CD86: variants seen among roughly 807,000 people sequenced by gnomAD.
CD86 encodes T-lymphocyte activation antigen CD86.
In CD86, 11 loss-of-function variants were observed where a neutral mutation model predicts 32.1. The observed-to-expected ratio is 0.34, with a 90% CI of 0.22 to 0.57. The LOEUF is 0.57. Ranked by LOEUF, CD86 falls within the 20% of genes least tolerant of loss-of-function variation. CD86 has a pLI of 0.86. For synonymous variants in CD86, 137 were observed against 135.3 expected (o/e 1.01, Z -0.09); for missense variants, 359 against 398.4 (o/e 0.90, Z 0.84).
intron 2 of CD86, among the ~76,000 whole-genome samples, chr3:122,101,586 G>C (rs1177305392): frequency 6.8e-6 from 1 of 147,744 alleles, no homozygotes; most frequent in Non-Finnish European, 1.5e-5. Context: ...GTCATTTCCA[G>C]GTCCAGAAGG....
intron 5 of CD86, 125 bp downstream of exon 5, chr3:122,109,533 A>T: frequency 1.8e-6 from 2 of 1,117,390 alleles, no homozygotes; most frequent in Non-Finnish European, 2.7e-6. Flanking sequence ...GTTGGGAAAA[A>T]AGGTTTTCCC....
At chr3:122,090,908 T>C (rs2072806683) in intron 1 of CD86, among the ~76,000 whole-genome samples, 1 of 152,204 alleles carries the variant, frequency 6.6e-6, no homozygotes, top group Admixed American at 6.5e-5. Flanking sequence ...ACATAAAAAT[T>C]CATGGGTTTC....
chr3:122,101,754 G>A (rs1012865019), intron 2 of CD86, among the ~76,000 whole-genome samples: 2 of 151,974 alleles, frequency 1.3e-5, no homozygotes, highest in Non-Finnish European at 2.9e-5. Flanking sequence ...AGCTTTTACA[G>A]TAGGGGGCAC....
chr3:122,064,936 A>G (rs2072392429), intron 1 of CD86, among the ~76,000 whole-genome samples: 1 of 152,190 alleles, frequency 6.6e-6, no homozygotes, highest in Non-Finnish European at 1.5e-5. Flanking sequence ...TCAGATAGAA[A>G]TCCTGTTTAG....
intron 1 of CD86, among the ~76,000 whole-genome samples, chr3:122,056,618 C>T (rs865979944): frequency 6.6e-6 from 1 of 152,222 alleles, no homozygotes; most frequent in Non-Finnish European, 1.5e-5. Flanking sequence ...AGGCGTGAGC[C>T]ACCGCGCACC....
At chr3:122,056,241 G>A (rs1453779920) in intron 1 of CD86, among the ~76,000 whole-genome samples, 2 of 152,208 alleles carry the variant, frequency 1.3e-5, no homozygotes, top group African/African-American at 4.8e-5. Flanking sequence ...TGCGCCAGAA[G>A]GTTTCTCCAT....
intron 1 of CD86, among the ~76,000 whole-genome samples, chr3:122,088,879 C>T (rs1377890825): frequency 6.6e-6 from 1 of 152,172 alleles, no homozygotes; most frequent in African/African-American, 2.4e-5. Context: ...TTCATACAGC[C>T]TTGTTCATAC....
chr3:122,060,304 T>G (rs2072315004), intron 1 of CD86, among the ~76,000 whole-genome samples: 1 of 152,148 alleles, frequency 6.6e-6, no homozygotes. Flanking sequence ...TGCAGAACAC[T>G]CCCAGTTGAG....
intron 2 of CD86, among the ~76,000 whole-genome samples, chr3:122,098,703 A>G (rs779841082): frequency 1.3e-5 from 2 of 152,236 alleles, no homozygotes; most frequent in Non-Finnish European, 2.9e-5. Flanking sequence ...GGAGACAATT[A>G]CATTAGTCTC....
chr3:122,090,402 C>G (rs1451543269), intron 1 of CD86, among the ~76,000 whole-genome samples: 1 of 152,138 alleles, frequency 6.6e-6, no homozygotes, highest in Non-Finnish European at 1.5e-5. Context: ...ATCAACAGAC[C>G]TATGAATTTA....
At chr3:122,087,565 T>C (rs2072745085) in intron 1 of CD86, among the ~76,000 whole-genome samples, 1 of 152,192 alleles carries the variant, frequency 6.6e-6, no homozygotes, top group Non-Finnish European at 1.5e-5. Flanking sequence ...GCACTTGTAC[T>C]TCATGAAAGA....
intron 2 of CD86, among the ~76,000 whole-genome samples, chr3:122,101,513 A>AATT (rs2073007436): frequency 2.2e-5 from 1 of 46,334 alleles, no homozygotes; most frequent in African/African-American, 8.5e-5. Context: ...AAAAAAAAAA[A>AATT]ATATATATAT....
chr3:122,094,791 C>G (rs2072880871), intron 2 of CD86, among the ~76,000 whole-genome samples: 1 of 152,228 alleles, frequency 6.6e-6, no homozygotes, highest in Non-Finnish European at 1.5e-5. Context: ...TGCCCCTGCT[C>G]TTGAGGATAA....
chr3:122,077,960 C>A, intron 1 of CD86: 1 of 985,580 alleles, frequency 1.0e-6, no homozygotes, highest in Non-Finnish European at 1.2e-6. Flanking sequence ...ATTCTTACCA[C>A]CTTGCTTCTG....
At chr3:122,079,535 C>T (rs1419661232) in intron 1 of CD86, among the ~76,000 whole-genome samples, 1 of 152,188 alleles carries the variant, frequency 6.6e-6, no homozygotes, top group Admixed American at 6.5e-5. Context: ...CATTTTTCCA[C>T]AGTCCATTCT....
intron 1 of CD86, among the ~76,000 whole-genome samples, chr3:122,091,071 G>T (rs1262274591): frequency 6.6e-6 from 1 of 152,184 alleles, no homozygotes; most frequent in Non-Finnish European, 1.5e-5. Context: ...CCCCCATCAT[G>T]CCTGTTATGT....
intron 5 of CD86, among the ~76,000 whole-genome samples, chr3:122,117,327 C>A (rs1407682002): frequency 1.3e-5 from 2 of 152,268 alleles, no homozygotes; most frequent in East Asian, 3.9e-4. Flanking sequence ...AAGAGAACTT[C>A]CAGTGACAGG....
At position 122,106,443 on chromosome 3, in the gene CD86, A is replaced by G. The variant is rs2073093429; in HGVS notation, c.646A>G (p.Ile216Val). 1.9e-6 allele frequency: 3 copies of G among 1,613,622 alleles called. No homozygotes were observed. The highest frequency in any genetic ancestry group is 2.5e-6 in the Non-Finnish European group (3 of 1,179,664). ...SFPDVTSNMT[I>V]FCILETDKTR... ...CCCTGATGTTACGAGCAATATGACC[A>G]TCTTCTGTATTCTGGAAACTGACAA... The change falls in exon 4 of 7, where the codon ATC becomes GTC. Residue 216 changes from isoleucine (I) to valine (V), a missense_variant. Physicochemically the swap from Ile to Val is conservative, Grantham distance 29. Coordinates refer to ENST00000330540, the MANE Select transcript of CD86 (RefSeq NM_175862.5).
chr3:122,111,099 A>G (rs187073932), intron 5 of CD86, among the ~76,000 whole-genome samples: 2 of 152,338 alleles, frequency 1.3e-5, no homozygotes, highest in East Asian at 3.9e-4. Flanking sequence ...TGAGTGGCAC[A>G]TACATGACCC....
Sources: allele counts gnomAD v4.1 joint callset (sites outside exome capture counted in the v4.1 genomes callset), GRCh38; gene constraint gnomAD v4.1.1; transcripts MANE v1.5; gene names NCBI Gene and HGNC (gene_info 2026-07-23, HGNC 2026-07-21).